UGGT2: variants seen among roughly 807,000 people sequenced by gnomAD.
The protein encoded by UGGT2 is UDP-glucose:glycoprotein glucosyltransferase 2.
In UGGT2, 180 loss-of-function variants were observed where a neutral mutation model predicts 192.1. The observed-to-expected ratio is 0.94, with a 90% CI of 0.83 to 1.06. The LOEUF (loss-of-function observed/expected upper bound fraction) is 1.06, where lower values mean the gene tolerates loss of function less well. UGGT2 is among the 50% of genes least tolerant of loss of function. The probability of loss-of-function intolerance (pLI) is 0.00; values close to 1 mark genes in which losing one functional copy is unlikely to be tolerated. For synonymous variants in UGGT2, 580 were observed against 591.0 expected (o/e 0.98, Z 0.27); for missense variants, 1,849 against 1,795.7 (o/e 1.03, Z -0.54).
Position 96,031,919 on chromosome 13 carries a change from C to T in UGGT2, c.211G>A (p.Val71Met). The change falls in exon 2 of 39, where the codon GTG becomes ATG. Residue 71 changes from valine (V) to methionine (M), a missense_variant. Physicochemically the swap from Val to Met is conservative, Grantham distance 21. Transcript: ENST00000376747. ...TGCTTATAAATTGCTAATTCTTGCA[C>T]AGTTTCCAAAAACTGCCAAAATTTT... Reference protein sequence around the residue: ...NEKFWQFLETVQELAIYKQTE... With the variant: ...NEKFWQFLETMQELAIYKQTE... The T allele has an allele frequency of 6.2e-7, 1 of 1,611,312 alleles. No individual in the cohort carries two copies. Among genetic ancestry groups the T allele is most frequent in the Non-Finnish European group, 8.5e-7 (1 of 1,178,956 alleles).
intron 38 of UGGT2, among the ~76,000 whole-genome samples, chr13:95,826,221 A>G (rs1886029912): frequency 6.6e-6 from 1 of 152,158 alleles, no homozygotes; most frequent in Non-Finnish European, 1.5e-5. Flanking sequence ...TTTCCTCAAG[A>G]TGATAAAAAT....
chr13:95,845,362 A>C (rs548761893), intron 36 of UGGT2, among the ~76,000 whole-genome samples: 4 of 63,918 alleles, frequency 6.3e-5, no homozygotes, highest in South Asian at 5.9e-4. Flanking sequence ...ACTTGAGATT[A>C]GGGAGTGGTG....
At chr13:95,980,171 T>C (rs1594496577) in intron 10 of UGGT2, among the ~76,000 whole-genome samples, 2 of 152,234 alleles carry the variant, frequency 1.3e-5, no homozygotes, top group Middle Eastern at 3.4e-3. Flanking sequence ...AGTCATTATA[T>C]GAAAAAGATA....
At chr13:96,010,144 C>T (rs1488743538) in intron 5 of UGGT2, among the ~76,000 whole-genome samples, 2 of 151,984 alleles carry the variant, frequency 1.3e-5, no homozygotes, top group African/African-American at 4.8e-5. Context: ...GGGTATATAC[C>T]CAGAAGAATA....
rs538247231 is a variant in UGGT2 at position 96,008,366 on chromosome 13, G to C, written c.660+4941C>G. The stretch of plus-strand genomic sequence containing the variant: ...CACCACTCCTATTCAACATAGTCCT[G>C]AAAGTCCTGGCCAGAGCAACCAGGC... On this transcript the variant is annotated intron_variant, in intron 5 of 38. Transcript: ENST00000376747. 3.0e-4 allele frequency among the ~76,000 whole-genome samples: 45 copies of C among 152,096 alleles called. 1 individual carries two copies. Among genetic ancestry groups the C allele is most frequent in the Admixed American group, 1.3e-4 (2 of 15,272 alleles).
intron 4 of UGGT2, among the ~76,000 whole-genome samples, chr13:96,014,468 C>T (rs2052264990): frequency 6.6e-6 from 1 of 152,146 alleles, no homozygotes; most frequent in African/African-American, 2.4e-5. Flanking sequence ...AGCATTCAAT[C>T]TTATTGACTA....
chr13:95,934,009 G>A (rs2049378464), intron 17 of UGGT2, among the ~76,000 whole-genome samples: 1 of 152,128 alleles, frequency 6.6e-6, no homozygotes, highest in South Asian at 2.1e-4. Flanking sequence ...TGAGATAGGT[G>A]GTTAGCACTA....
intron 4 of UGGT2, among the ~76,000 whole-genome samples, chr13:96,022,785 G>A (rs992665283): frequency 1.3e-5 from 2 of 151,802 alleles, no homozygotes; most frequent in Non-Finnish European, 2.9e-5. Context: ...AGTTTTGCAT[G>A]TTTATTTCAA....
At position 95,948,099 on chromosome 13, in the gene UGGT2, T is replaced by G. The variant is rs779969997; in HGVS notation, c.1456-18A>C. ...AACAGAACCTAAAAGAAAGATAGTA[T>G]ATATCACTATTTCAACACCTTAGAA... On this transcript the variant is annotated intron_variant, in intron 13 of 38. Transcript: ENST00000376747. 6 of 1,589,986 alleles carry G rather than the reference T, an allele frequency of 3.8e-6. No individual in the cohort carries two copies. Among genetic ancestry groups the G allele is most frequent in the Non-Finnish European group, 5.2e-6 (6 of 1,161,444 alleles).
chr13:95,927,392 A>G (rs2049054325), intron 17 of UGGT2, 56 bp from the exon 18 acceptor site: 3 of 1,447,376 alleles, frequency 2.1e-6, no homozygotes, highest in Non-Finnish European at 2.8e-6. Flanking sequence ...CCATGTTTCA[A>G]AAAGTATGCA....
intron 17 of UGGT2, among the ~76,000 whole-genome samples, chr13:95,927,705 T>C (rs1566709857): frequency 6.6e-6 from 1 of 152,170 alleles, no homozygotes; most frequent in Non-Finnish European, 1.5e-5. Context: ...CTTGGGTGTT[T>C]CTCGGAGAGG....
chr13:96,015,880 T>C (rs2052322185), intron 4 of UGGT2, among the ~76,000 whole-genome samples: 1 of 152,210 alleles, frequency 6.6e-6, no homozygotes, highest in Admixed American at 6.5e-5. Context: ...ATGAAACTTA[T>C]TTATTCATTT....
intron 17 of UGGT2, among the ~76,000 whole-genome samples, chr13:95,928,005 C>T (rs2049087034): frequency 6.6e-6 from 1 of 152,188 alleles, no homozygotes; most frequent in African/African-American, 2.4e-5. Flanking sequence ...TTAACAGCAT[C>T]CCAAGGCAGA....
At chr13:95,862,713 T>C (rs1890274701) in intron 31 of UGGT2, among the ~76,000 whole-genome samples, 1 of 152,142 alleles carries the variant, frequency 6.6e-6, no homozygotes, top group East Asian at 1.9e-4. Context: ...ACAGTAAACT[T>C]TTACTTACAA....
rs1285727119 is a variant in UGGT2, at chr13:95,849,475, G to A, written c.4284+4068C>T. Reference sequence around the variant, plus strand: ...GGAGAATGGCGTGAACCCAGGAGGCGGAGCTTGCAGTGAGCCAAGATAGTG... The same window carrying A: ...GGAGAATGGCGTGAACCCAGGAGGCAGAGCTTGCAGTGAGCCAAGATAGTG... On this transcript the variant is annotated intron_variant, in intron 36 of 38. Coordinates refer to ENST00000376747, the MANE Select transcript of UGGT2 (RefSeq NM_020121.4). Among the ~76,000 whole-genome samples, 7 of 151,206 alleles carry A rather than the reference G, an allele frequency of 4.6e-5. No individual in the cohort carries two copies. The South Asian group carries it at 6.3e-4, about 14-fold the overall frequency.
chr13:95,820,507 T>C (rs1039727208), intron 38 of UGGT2, among the ~76,000 whole-genome samples: 2 of 152,176 alleles, frequency 1.3e-5, no homozygotes, highest in Non-Finnish European at 2.9e-5. Flanking sequence ...ACAGTTTTCA[T>C]CTATGAATAT....
chr13:95,815,010 G>C lies in UGGT2; in HGVS notation c.4529-13198C>G, dbSNP rs1477903480. On this transcript the variant is annotated intron_variant, in intron 38 of 38. Transcript: ENST00000376747. ...CTCAACAGATATTGAAAAAGCATTTGACATACTCAAGTATCAATTTATGAT... is the reference window on the plus strand; with the variant it reads ...CTCAACAGATATTGAAAAAGCATTTCACATACTCAAGTATCAATTTATGAT... Among the ~76,000 whole-genome samples the C allele has an allele frequency of 2.0e-5, 3 of 152,080 alleles. No individual in the cohort carries two copies. The East Asian group carries it at 5.8e-4, about 29-fold the overall frequency.
At chr13:95,983,418 C>T in intron 10 of UGGT2, 1 of 279,982 alleles carries the variant, frequency 3.6e-6, no homozygotes, top group Non-Finnish European at 7.0e-6. Context: ...TATCAAACCA[C>T]TGATAAATTG....
intron 7 of UGGT2, chr13:95,991,516 G>A (rs781323894): frequency 1.3e-5 from 6 of 448,898 alleles, no homozygotes; most frequent in Non-Finnish European, 2.2e-5. Flanking sequence ...ACATAAATAT[G>A]GTAATCTTAT....
Sources: allele counts gnomAD v4.1 joint callset (sites outside exome capture counted in the v4.1 genomes callset), GRCh38; gene constraint gnomAD v4.1.1; transcripts MANE v1.5; gene names NCBI Gene and HGNC (gene_info 2026-07-23, HGNC 2026-07-21).